Variants in SH3GLB1 observed in about 807,000 individuals in gnomAD.
The protein encoded by SH3GLB1 is endophilin-B1.
A neutral mutation model predicts 42.0 loss-of-function variants in SH3GLB1; 17 were observed. That is an observed-to-expected ratio of 0.40 (90% CI 0.28 to 0.61). SH3GLB1 has a LOEUF of 0.61. Among genes scored for constraint, SH3GLB1 ranks in the 20% least tolerant of loss-of-function variants. The probability of loss-of-function intolerance (pLI) is 0.36; values close to 1 mark genes in which losing one functional copy is unlikely to be tolerated. For missense variants in SH3GLB1, 355 were observed against 426.3 expected, an observed-to-expected ratio of 0.83 and a Z score of 1.47; for synonymous variants, 132 against 146.6, an observed-to-expected ratio of 0.90 and a Z score of 0.72.
At chr1:86,721,619 T>C (rs1166065044) in intron 3 of SH3GLB1, among the ~76,000 whole-genome samples, 1 of 152,214 alleles carries the variant, frequency 6.6e-6, no homozygotes, top group African/African-American at 2.4e-5. Context: ...TCAGAGTATA[T>C]GTATTGCAAA....
At chr1:86,731,009 A>C (rs11161883) in intron 5 of SH3GLB1, among the ~76,000 whole-genome samples, 4 of 152,270 alleles carry the variant, frequency 2.6e-5, no homozygotes, top group African/African-American at 9.6e-5. Flanking sequence ...TTTTTCGACT[A>C]TGTTGTCTCT....
intron 3 of SH3GLB1, 94 bp from the exon 4 acceptor site, chr1:86,722,446 C>G: frequency 8.1e-7 from 1 of 1,233,266 alleles, no homozygotes; most frequent in Non-Finnish European, 1.1e-6. Context: ...TTACAGCTAA[C>G]TTTTAAACAG....
intron 5 of SH3GLB1, among the ~76,000 whole-genome samples, chr1:86,728,874 T>C (rs1160426091): frequency 6.6e-6 from 1 of 152,148 alleles, no homozygotes; most frequent in African/African-American, 2.4e-5. Flanking sequence ...CTTCAAGATT[T>C]ACCTTATTTT....
intron 1 of SH3GLB1, among the ~76,000 whole-genome samples, chr1:86,711,215 C>G (rs997223035): frequency 6.6e-6 from 1 of 152,032 alleles, no homozygotes; most frequent in Admixed American, 6.5e-5. Flanking sequence ...TGATCACACA[C>G]CCATTTTATT....
chr1:86,732,322 T>C (rs1460008490), intron 5 of SH3GLB1, among the ~76,000 whole-genome samples: 1 of 152,246 alleles, frequency 6.6e-6, no homozygotes, highest in Admixed American at 6.5e-5. Flanking sequence ...TCATGTAGTC[T>C]AGTAGCAGTT....
At position 86,742,271 on chromosome 1, in the gene SH3GLB1, A is replaced by G. The variant is rs780733777; in HGVS notation, c.825A>G (p.Leu275=). 8.1e-6 allele frequency: 13 copies of G among 1,614,132 alleles called. 1 individual carries two copies. The highest frequency in any genetic ancestry group is 1.6e-4 in the Middle Eastern group (1 of 6,062). Residue 275 remains leucine (L), a synonymous_variant, in exon 8 of 9, where the codon TTA becomes TTG. Transcript: ENST00000370558. The stretch of plus-strand genomic sequence containing the variant: ...CTGTGACACCTGTACCATCAGTTTT[A>G]CCAAATGCGATTGGTTCTTCTGCCA... ...QTSVTPVPSV[L]PNAIGSSAMA...
At position 86,704,984 on chromosome 1, in the gene SH3GLB1, TG is replaced by T; in HGVS notation, c.72+19del. On this transcript the variant is annotated intron_variant, in intron 1 of 8. Coordinates refer to ENST00000370558, the MANE Select transcript of SH3GLB1 (RefSeq NM_016009.5). ...TCGCGCCGTGCAGGTACCCTGGTGC[TG>T]GGGGGAAAAGGGGTGGCGGCGCCCG... 1.4e-5 allele frequency: 22 copies of T among 1,559,412 alleles called. No individual in the cohort carries two copies. The highest frequency in any genetic ancestry group is 1.7e-4 in the Middle Eastern group (1 of 5,898).
intron 5 of SH3GLB1, among the ~76,000 whole-genome samples, chr1:86,733,427 T>C (rs980387848): frequency 6.6e-6 from 1 of 152,152 alleles, no homozygotes; most frequent in African/African-American, 2.4e-5. Flanking sequence ...TTGTTGGGTT[T>C]TTTTTGTTTT....
At chr1:86,705,593 A>T (rs1427667902) in intron 1 of SH3GLB1, among the ~76,000 whole-genome samples, 1 of 152,204 alleles carries the variant, frequency 6.6e-6, no homozygotes, top group African/African-American at 2.4e-5. Context: ...CTTTTTCAAA[A>T]TGGGAAGCAC....
At chr1:86,713,511 TAAAG>T (rs771999976) in intron 1 of SH3GLB1, among the ~76,000 whole-genome samples, 1 of 152,230 alleles carries the variant, frequency 6.6e-6, no homozygotes, top group African/African-American at 2.4e-5. Flanking sequence ...CTAATGAGCT[TAAAG>T]AAATTGTGCA....
rs1464455285 is a variant in SH3GLB1, at chr1:86,742,190, C to T, written c.762-18C>T. On this transcript the variant is annotated intron_variant, in intron 7 of 8. Transcript: ENST00000370558. ...TAGTCACTTGGAAATAAATAATTCGCTGCTTTCTTTTCAACAGTTTTCCAT... is the reference window on the plus strand; with the variant it reads ...TAGTCACTTGGAAATAAATAATTCGTTGCTTTCTTTTCAACAGTTTTCCAT... The T allele has an allele frequency of 9.4e-6, 15 of 1,596,982 alleles. No individual in the cohort carries two copies. In the South Asian group the frequency reaches 1.3e-4, roughly 14 times the overall value.
rs570602947 is a variant in SH3GLB1 at position 86,705,222 on chromosome 1, C to G, written c.72+251C>G. Among the ~76,000 whole-genome samples the G allele has an allele frequency of 5.9e-5, 9 of 152,282 alleles. No individual in the cohort carries two copies. The East Asian group carries it at 1.7e-3, about 30-fold the overall frequency. Reference sequence around the variant, plus strand: ...ACGGGGCCGGGAGCTTCCTCCCACCCCTGGGGAACACTAAGGCTGCACTGT... The same window carrying G: ...ACGGGGCCGGGAGCTTCCTCCCACCGCTGGGGAACACTAAGGCTGCACTGT... On this transcript the variant is annotated intron_variant, in intron 1 of 8. Transcript: ENST00000370558.
At position 86,735,144 on chromosome 1, in the gene SH3GLB1, C is replaced by T. The variant is rs748481448; in HGVS notation, c.726C>T (p.Tyr242=). The change falls in exon 7 of 9, where the codon TAC becomes TAT. Residue 242 remains tyrosine, a synonymous_variant. Coordinates refer to ENST00000370558, the MANE Select transcript of SH3GLB1 (RefSeq NM_016009.5). The stretch of plus-strand genomic sequence containing the variant: ...AGATGACTTACTATGCACAGTGTTA[C>T]CAGTATATGTTGGACCTCCAGAAAC... The part of the protein sequence containing the change: ...EAQMTYYAQC[Y]QYMLDLQKQL... 3 of 1,612,570 alleles carry T rather than the reference C, an allele frequency of 1.9e-6. No individual in the cohort carries two copies. The highest frequency in any genetic ancestry group is 1.7e-6 in the Non-Finnish European group (2 of 1,178,912).
chr1:86,723,811 A>T (rs1234934531), intron 4 of SH3GLB1, among the ~76,000 whole-genome samples: 10 of 152,210 alleles, frequency 6.6e-5, no homozygotes, highest in Non-Finnish European at 1.0e-4. Flanking sequence ...CCCCAGGCGT[A>T]TACTTCCTTC....
At chr1:86,708,671 A>G (rs1654016096) in intron 1 of SH3GLB1, among the ~76,000 whole-genome samples, 1 of 152,204 alleles carries the variant, frequency 6.6e-6, no homozygotes. Flanking sequence ...TAAGTACCTC[A>G]AGATGGTAAA....
intron 2 of SH3GLB1, among the ~76,000 whole-genome samples, chr1:86,717,807 A>G (rs970297528): frequency 6.6e-6 from 1 of 152,316 alleles, no homozygotes; most frequent in Middle Eastern, 3.4e-3. Context: ...TTTTCAATGT[A>G]TGATCTTCTG....
intron 1 of SH3GLB1, 148 bp downstream of exon 1, chr1:86,705,119 C>A (rs1653762037): frequency 5.6e-6 from 3 of 533,506 alleles, no homozygotes; most frequent in East Asian, 7.3e-5. Flanking sequence ...CGGCCTGGTC[C>A]CCTCCCCGGG....
intron 7 of SH3GLB1, among the ~76,000 whole-genome samples, chr1:86,736,683 G>A (rs1435771762): frequency 6.6e-6 from 1 of 152,116 alleles, no homozygotes; most frequent in Non-Finnish European, 1.5e-5. Flanking sequence ...AAATCCAGTT[G>A]TTGCGTTATT....
chr1:86,727,576 GA>G (rs1655264182), intron 5 of SH3GLB1, among the ~76,000 whole-genome samples: 1 of 151,956 alleles, frequency 6.6e-6, no homozygotes, highest in African/African-American at 2.4e-5. Flanking sequence ...TCCAAAACCA[GA>G]AATCTGAAAC....
Sources: allele counts gnomAD v4.1 joint callset (sites outside exome capture counted in the v4.1 genomes callset), GRCh38; gene constraint gnomAD v4.1.1; transcripts MANE v1.5; gene names NCBI Gene and HGNC (gene_info 2026-07-23, HGNC 2026-07-21).